The following SHC3 variants were observed in gnomAD, a reference collection of about 807,000 sequenced individuals.
The protein encoded by SHC3 is SHC-transforming protein 3.
Under a neutral mutation model 60.4 loss-of-function variants are expected in SHC3, and 15 were observed. The observed-to-expected ratio is 0.25, with a 90% confidence interval of 0.17 to 0.38. The LOEUF (loss-of-function observed/expected upper bound fraction) is 0.38. SHC3 is among the 10% of genes least tolerant of loss of function. The pLI is 1.00. For synonymous variants in SHC3, 294 were observed against 325.9 expected (o/e 0.90, Z 1.05); for missense variants, 677 against 786.1 (o/e 0.86, Z 1.66).
chr9:89,117,266 T>C (rs373719534), intron 1 of SHC3, among the ~76,000 whole-genome samples: 4 of 152,208 alleles, frequency 2.6e-5, no homozygotes, highest in African/African-American at 9.6e-5. Flanking sequence ...TGTCCTCTCA[T>C]CACCCGGCAT....
chr9:89,049,970 CAATT>C (rs558752327), intron 7 of SHC3, among the ~76,000 whole-genome samples: 264 of 152,308 alleles, frequency 1.7e-3, no homozygotes, highest in Non-Finnish European at 2.2e-3. Flanking sequence ...GTTTATTGCT[CAATT>C]AAACTCCTTT....
At chr9:89,113,489 CAAAAAAGA>C (rs1166431359) in intron 1 of SHC3, among the ~76,000 whole-genome samples, 1 of 151,530 alleles carries the variant, frequency 6.6e-6, no homozygotes, top group Non-Finnish European at 1.5e-5. Context: ...GACTCCATCT[CAAAAAAGA>C]AAAAAAGAAA....
chr9:89,103,287 A>G (rs1029208232), intron 2 of SHC3, among the ~76,000 whole-genome samples: 6 of 152,212 alleles, frequency 3.9e-5, no homozygotes, highest in African/African-American at 1.4e-4. Flanking sequence ...ATCAACAGGT[A>G]TTCGTAATTG....
chr9:89,164,497 A>C (rs907070925), intron 1 of SHC3, among the ~76,000 whole-genome samples: 2 of 152,104 alleles, frequency 1.3e-5, no homozygotes, highest in Non-Finnish European at 2.9e-5. Context: ...GGGTAGGGGC[A>C]CAGGAGATGA....
chr9:89,150,187 G>A (rs927517186), intron 1 of SHC3, among the ~76,000 whole-genome samples: 1 of 152,098 alleles, frequency 6.6e-6, no homozygotes, highest in Non-Finnish European at 1.5e-5. Context: ...ATCATAGCAC[G>A]TATGGGGTTC....
intron 1 of SHC3, among the ~76,000 whole-genome samples, chr9:89,127,685 A>G (rs1222303232): frequency 6.6e-6 from 1 of 152,032 alleles, no homozygotes; most frequent in Non-Finnish European, 1.5e-5. Flanking sequence ...GGGATAGCTA[A>G]TGGCAGTTAT....
intron 11 of SHC3, among the ~76,000 whole-genome samples, chr9:89,020,855 C>T (rs1826189357): frequency 6.6e-6 from 1 of 152,188 alleles, no homozygotes. Flanking sequence ...CTGGGTGGAG[C>T]TCTGCCACTG....
chr9:89,146,273 C>A, intron 1 of SHC3, among the ~76,000 whole-genome samples: 1 of 151,956 alleles, frequency 6.6e-6, no homozygotes, highest in South Asian at 2.1e-4. Context: ...AGGAGACTCT[C>A]TGGAACCTGG....
At chr9:89,062,195 C>T (rs915661398) in intron 6 of SHC3, among the ~76,000 whole-genome samples, 2 of 152,042 alleles carry the variant, frequency 1.3e-5, no homozygotes, top group African/African-American at 4.8e-5. Context: ...TGGGAGTCAC[C>T]CGGTAGTAAT....
At chr9:89,138,216 G>A (rs1293818532) in intron 1 of SHC3, among the ~76,000 whole-genome samples, 2 of 152,184 alleles carry the variant, frequency 1.3e-5, no homozygotes, top group Admixed American at 6.5e-5. Context: ...ATCTGCACAA[G>A]AAAGAATTTG....
intron 1 of SHC3, among the ~76,000 whole-genome samples, chr9:89,135,199 C>T (rs991536380): frequency 1.3e-5 from 2 of 152,116 alleles, no homozygotes; most frequent in African/African-American, 2.4e-5. Flanking sequence ...CGAAATCAAA[C>T]TTGACTTGTA....
rs763753870 is a variant in SHC3 at position 89,071,372 on chromosome 9, T to A, written c.730-120A>T. On this transcript the variant is annotated intron_variant, in intron 4 of 11. Transcript: ENST00000375835. ...ATGTTTTCCTGAAAATTGGTATCTA[T>A]ATAAAAATAATGATTATAAAAGTAA... 516 of 925,576 alleles carry A rather than the reference T, an allele frequency of 5.6e-4. 1 individual carries two copies. The highest frequency in any genetic ancestry group is 8.1e-4 in the Non-Finnish European group (480 of 593,440). 57.3% of individuals were successfully genotyped at this position (925,576 alleles called of 1,614,324 possible). A position where few individuals can be genotyped will look rare whatever the true frequency, so the allele number is the denominator to read the frequency against.
chr9:89,108,554 C>CACACACAT (rs1223828895), intron 2 of SHC3, among the ~76,000 whole-genome samples: 21 of 152,084 alleles, frequency 1.4e-4, no homozygotes, highest in African/African-American at 4.6e-4. Flanking sequence ...CACACACACA[C>CACACACAT]ACACACATAC....
intron 2 of SHC3, among the ~76,000 whole-genome samples, chr9:89,108,171 C>T (rs1220556062): frequency 6.6e-6 from 1 of 152,128 alleles, no homozygotes; most frequent in Admixed American, 6.5e-5. Flanking sequence ...CCTAAGTGCA[C>T]TCTACGATGT....
chr9:89,090,576 G>C (rs1825606100), intron 2 of SHC3, among the ~76,000 whole-genome samples: 1 of 152,198 alleles, frequency 6.6e-6, no homozygotes, highest in South Asian at 2.1e-4. Context: ...GGCTGCACAG[G>C]GCCTTGGAGG....
chr9:89,082,417 G>A (rs1336215102), intron 2 of SHC3, among the ~76,000 whole-genome samples: 3 of 152,184 alleles, frequency 2.0e-5, no homozygotes, highest in African/African-American at 7.2e-5. Context: ...GAGGGCAGTT[G>A]CTCCTCAAAC....
chr9:89,026,460 A>T (rs926726625), intron 11 of SHC3, among the ~76,000 whole-genome samples: 1 of 152,000 alleles, frequency 6.6e-6, no homozygotes, highest in Non-Finnish European at 1.5e-5. Flanking sequence ...CTTTGAATCC[A>T]CCTACAACCT....
At chr9:89,042,580 T>C (rs761320748) in intron 9 of SHC3, among the ~76,000 whole-genome samples, 7 of 152,252 alleles carry the variant, frequency 4.6e-5, no homozygotes, top group Non-Finnish European at 7.3e-5. Context: ...TTAATTGCTC[T>C]TGTTTTCTTT....
chr9:89,135,578 G>C (rs1826306941), intron 1 of SHC3, among the ~76,000 whole-genome samples: 1 of 152,102 alleles, frequency 6.6e-6, no homozygotes, highest in Non-Finnish European at 1.5e-5. Context: ...GTTATGATTT[G>C]TCTTGAGTAA....
Sources: allele counts gnomAD v4.1 joint callset (sites outside exome capture counted in the v4.1 genomes callset), GRCh38; gene constraint gnomAD v4.1.1; transcripts MANE v1.5; gene names NCBI Gene and HGNC (gene_info 2026-07-23, HGNC 2026-07-21).